The following GMNC variants were observed in gnomAD, a reference collection of about 807,000 sequenced individuals.
GMNC encodes geminin coiled-coil domain-containing protein 1.
In GMNC, 16 loss-of-function variants were observed where a neutral mutation model predicts 33.6. The observed-to-expected ratio is 0.48, with a 90% CI of 0.32 to 0.72. The LOEUF (loss-of-function observed/expected upper bound fraction) is 0.72. Ranked by LOEUF, GMNC falls within the 30% of genes least tolerant of loss-of-function variation. The pLI is 0.03. For missense variants in GMNC, 393 were observed against 388.9 expected (o/e 1.01, Z -0.09); for synonymous variants, 156 against 147.3 (o/e 1.06, Z -0.43).
the GMNC span, among the ~76,000 whole-genome samples, chr3:190,847,135 G>A: frequency 4.6e-5 from 7 of 152,088 alleles, no homozygotes; most frequent in African/African-American, 1.7e-4. Context: ...CTAGCTATTG[G>A]TGTCCTTTAT....
Position 190,862,319 on chromosome 3 carries a change from AG to A in GMNC, c.3+293del, listed in dbSNP as rs1737887738. Among the ~76,000 whole-genome samples, 1 of 150,736 alleles carries A rather than the reference AG, an allele frequency of 6.6e-6. No individual in the cohort carries two copies. Among genetic ancestry groups the A allele is most frequent in the Non-Finnish European group, 1.5e-5 (1 of 67,748 alleles). ...TAGAATGAAAAGTGAGTGCAGGTGG[AG>A]GGGGAAGTTGGGGAGAAAGTAAGGA... On this transcript the variant is annotated intron_variant, in intron 1 of 4. Coordinates refer to ENST00000442080, the MANE Select transcript of GMNC (RefSeq NM_001146686.3). The surrounding 1 kb of genome is among the most constrained non-coding windows in gnomAD (Gnocchi z 4.5).
the GMNC span, among the ~76,000 whole-genome samples, chr3:190,844,674 C>A: frequency 6.6e-6 from 1 of 151,766 alleles, no homozygotes; most frequent in Admixed American, 6.6e-5. Flanking sequence ...AAAATCTGCC[C>A]ATGATGATGG....
chr3:190,859,080 T>TATCAA (rs1032310025), intron 2 of GMNC, 64 bp from the exon 3 acceptor site: 3 of 1,003,098 alleles, frequency 3.0e-6, no homozygotes, highest in African/African-American at 3.2e-5. Context: ...TAAAGAAACT[T>TATCAA]ATCAAATCAA....
chr3:190,847,204 G>A, the GMNC span, among the ~76,000 whole-genome samples: 1 of 152,118 alleles, frequency 6.6e-6, no homozygotes, highest in Non-Finnish European at 1.5e-5. Context: ...TCTTGGTTTG[G>A]TGACAATAAC....
chr3:190,857,144 G>T (rs1737763612), intron 4 of GMNC, among the ~76,000 whole-genome samples: 1 of 148,478 alleles, frequency 6.7e-6, no homozygotes, highest in Admixed American at 6.8e-5. Context: ...AAATTGAAAG[G>T]CAAAGAATTG....
Position 190,854,428 on chromosome 3 carries a change from G to A in GMNC, c.*867C>T, listed in dbSNP as rs1737690220. On this transcript the variant is annotated 3_prime_UTR_variant, in exon 5 of 5. Coordinates refer to ENST00000442080, the MANE Select transcript of GMNC (RefSeq NM_001146686.3). ...TCAATGAAAAAATGAATACGCGAAT[G>A]AATGAATGAATGAGACAATGGCTGA... The A allele has an allele frequency of 6.8e-6, 1 of 148,004 alleles. No homozygotes were observed. The highest frequency in any genetic ancestry group is 7.0e-5 in the Admixed American group (1 of 14,338). 9.2% of individuals were successfully genotyped at this position (148,004 alleles called of 1,614,324 possible).
downstream of GMNC, among the ~76,000 whole-genome samples, chr3:190,850,384 C>T (rs947528558): frequency 6.6e-6 from 1 of 152,208 alleles, no homozygotes; most frequent in Admixed American, 6.5e-5. Flanking sequence ...AAGCCTAAAA[C>T]AGCCCGGAGG....
chr3:190,857,295 A>C (rs1012145473), intron 4 of GMNC, among the ~76,000 whole-genome samples: 7 of 151,856 alleles, frequency 4.6e-5, no homozygotes, highest in African/African-American at 1.7e-4. Context: ...GTAAATGCCA[A>C]ATCAAGAGAT....
At chr3:190,856,310 TTTATTTATAA>T (rs1289788864) in intron 4 of GMNC, among the ~76,000 whole-genome samples, 2 of 118,166 alleles carry the variant, frequency 1.7e-5, no homozygotes, top group African/African-American at 8.6e-5. Context: ...AATACTTATA[TTTATTTATAA>T]ATATTTATAA....
intron 1 of GMNC, 77 bp from the exon 2 acceptor site, chr3:190,860,935 G>T: frequency 1.0e-6 from 1 of 956,476 alleles, no homozygotes; most frequent in African/African-American, 1.7e-5. Context: ...GAAAGGGTGG[G>T]AGAAATACCG....
At position 190,855,176 on chromosome 3, in the gene GMNC, T is replaced by A; in HGVS notation, c.*119A>T. 1 of 1,006,182 alleles carries A rather than the reference T, an allele frequency of 9.9e-7. No homozygotes were observed. The highest frequency in any genetic ancestry group is 1.4e-6 in the Non-Finnish European group (1 of 699,268). The allele number at this position is 1,006,182 out of a possible 1,614,324, so 62.3% of individuals were successfully genotyped here. On this transcript the variant is annotated 3_prime_UTR_variant, in exon 5 of 5. Coordinates refer to ENST00000442080, the MANE Select transcript of GMNC (RefSeq NM_001146686.3). ...TAAGTGGGTAATTGAGAGTGACATT[T>A]AAAGTGGCAGGAGACAGTCTAAGCA...
rs1737723490 is a variant in GMNC at position 190,855,892 on chromosome 3, G to C, written c.408C>G (p.Phe136Leu). 1.2e-5 allele frequency: 18 copies of C among 1,549,936 alleles called. No individual in the cohort carries two copies. Among genetic ancestry groups the C allele is most frequent in the Non-Finnish European group, 1.3e-5 (15 of 1,145,768 alleles). The change falls in exon 5 of 5, where the codon TTC becomes TTG. Residue 136 changes from phenylalanine (F) to leucine (L), a missense_variant. Coordinates refer to ENST00000442080, the MANE Select transcript of GMNC (RefSeq NM_001146686.3). ...KAKKLLSSDE[F>L]SKAYGKFRKG... ...TCCTGAATTTTCCATATGCTTTGGA[G>C]AACTCATCAGATGAGAGCAATTTCT...
chr3:190,856,470 TATAA>T (rs1241106308), intron 4 of GMNC, among the ~76,000 whole-genome samples: 16 of 137,200 alleles, frequency 1.2e-4, no homozygotes, highest in Non-Finnish European at 1.7e-4. Flanking sequence ...AATAAATATT[TATAA>T]ATAAATATAA....
In GMNC at chr3:190,855,699, T is replaced by G; in HGVS notation, c.601A>C (p.Ile201Leu). 1.3e-6 allele frequency: 2 copies of G among 1,551,586 alleles called. No homozygotes were observed. Among genetic ancestry groups the G allele is most frequent in the Middle Eastern group, 3.3e-4 (2 of 5,992 alleles). ...TAGTTAGCTGATGAGGTGTCATCGA[T>G]AGTGTCAAGGTCTTTTAACCCAAGT... ...QTLGLKDLDT[I>L]DDTSSANYSA... Residue 201 changes from isoleucine to leucine, a missense_variant, in exon 5 of 5, where the codon ATC (isoleucine) becomes CTC (leucine). By Grantham distance (5) the Ile-to-Leu change is conservative (BLOSUM62 2). Coordinates refer to ENST00000442080, the MANE Select transcript of GMNC (RefSeq NM_001146686.3).
In GMNC at chr3:190,855,118, T is replaced by C; in HGVS notation, c.*177A>G. ...GTAAAAGAAGCGCGGACACGTTTCA[T>C]TATGGATTCTTGGAAGCCATTCCCT... On this transcript the variant is annotated 3_prime_UTR_variant, in exon 5 of 5. Coordinates refer to ENST00000442080, the MANE Select transcript of GMNC (RefSeq NM_001146686.3). The C allele has an allele frequency of 3.1e-6, 2 of 644,858 alleles. No homozygotes were observed. Among genetic ancestry groups the C allele is most frequent in the Non-Finnish European group, 2.6e-6 (1 of 381,304 alleles). 39.9% of individuals were successfully genotyped at this position (644,858 alleles called of 1,614,324 possible).
In GMNC at chr3:190,861,553, G is replaced by A. The variant is rs1050510519; in HGVS notation, c.4-695C>T. Among the ~76,000 whole-genome samples the A allele has an allele frequency of 3.3e-5, 5 of 151,848 alleles. No individual in the cohort carries two copies. Among genetic ancestry groups the A allele is most frequent in the African/African-American group, 1.2e-4 (5 of 41,304 alleles). ...TAAAACATTTTGCTCCCAACACTAAGCACAGGACCACAAAGCTGCTCCAAG... is the reference window on the plus strand; with the variant it reads ...TAAAACATTTTGCTCCCAACACTAAACACAGGACCACAAAGCTGCTCCAAG... On this transcript the variant is annotated intron_variant, in intron 1 of 4. Transcript: ENST00000442080. This position sits in a 1 kb window ranked among gnomAD's most constrained non-coding sequence, Gnocchi z 5.1.
the GMNC span, among the ~76,000 whole-genome samples, chr3:190,845,883 C>T: frequency 6.6e-6 from 1 of 152,034 alleles, no homozygotes; most frequent in Non-Finnish European, 1.5e-5. Flanking sequence ...AAACGTGTAG[C>T]CACAAGAAGT....
chr3:190,852,530 T>C (rs1737651323), downstream of GMNC, among the ~76,000 whole-genome samples: 1 of 152,166 alleles, frequency 6.6e-6, no homozygotes, highest in Admixed American at 6.5e-5. Flanking sequence ...TACTGGATTC[T>C]AATTTTTATG....
rs59263214 is a variant in GMNC at position 190,859,651 on chromosome 3, A to G, written c.179-635T>C. ...ATCTGTTTCAACTGTCCTAATCTGTATATTTTATAAATGTTTTTTCAAAGT... is the reference window on the plus strand; with the variant it reads ...ATCTGTTTCAACTGTCCTAATCTGTGTATTTTATAAATGTTTTTTCAAAGT... On this transcript the variant is annotated intron_variant, in intron 2 of 4. Transcript: ENST00000442080. The G allele has an allele frequency of 3.4e-3, 995 of 292,726 alleles. 15 individuals are homozygous for G. The highest frequency in any genetic ancestry group is 0.02 in the African/African-American group (930 of 45,848). The allele number at this position is 292,726 out of a possible 1,614,324, so 18.1% of individuals were successfully genotyped here.
Sources: allele counts gnomAD v4.1 joint callset (sites outside exome capture counted in the v4.1 genomes callset), GRCh38; gene constraint gnomAD v4.1.1; non-coding constraint Gnocchi (gnomAD v3.1); transcripts MANE v1.5; gene names NCBI Gene and HGNC (gene_info 2026-07-23, HGNC 2026-07-21).